TRIM9: variants seen among roughly 807,000 people sequenced by gnomAD.
TRIM9 encodes tripartite motif containing 9, also known as E3 ubiquitin-protein ligase TRIM9.
Under a neutral mutation model 78.3 loss-of-function variants are expected in TRIM9, and 26 were observed. That is an observed-to-expected ratio of 0.33 (90% CI 0.24 to 0.46). The LOEUF is 0.46. Among genes scored for constraint, TRIM9 ranks in the 20% least tolerant of loss-of-function variants. The pLI is 1.00. For missense variants in TRIM9, 787 were observed against 1,036.4 expected (o/e 0.76, Z 3.30); for synonymous variants, 398 against 416.5 (o/e 0.96, Z 0.54).
chr14:50,984,492 GTT>G (rs1449577289), intron 8 of TRIM9, among the ~76,000 whole-genome samples: 2 of 152,056 alleles, frequency 1.3e-5, no homozygotes, highest in African/African-American at 4.8e-5. Flanking sequence ...TGATTTTTAT[GTT>G]TTGTTTCTAT....
intron 1 of TRIM9, among the ~76,000 whole-genome samples, chr14:51,031,178 A>G (rs1461084357): frequency 6.6e-6 from 1 of 151,550 alleles, no homozygotes; most frequent in Admixed American, 6.6e-5. Context: ...AAGAAAAGAA[A>G]AGAAAGAAAG....
At chr14:50,987,445 A>G (rs1026201675) in intron 7 of TRIM9, among the ~76,000 whole-genome samples, 2 of 152,220 alleles carry the variant, frequency 1.3e-5, no homozygotes, top group East Asian at 1.9e-4. Flanking sequence ...CTTTAGACTT[A>G]TCTGTGGGGG....
intron 7 of TRIM9, among the ~76,000 whole-genome samples, chr14:50,991,682 T>A (rs571201676): frequency 6.6e-6 from 1 of 152,354 alleles, no homozygotes; most frequent in South Asian, 2.1e-4. Flanking sequence ...CTAATGCTGC[T>A]TCATAGCATT....
At chr14:51,043,691 A>T (rs752132223) in intron 1 of TRIM9, among the ~76,000 whole-genome samples, 4 of 152,234 alleles carry the variant, frequency 2.6e-5, no homozygotes, top group Non-Finnish European at 5.9e-5. Flanking sequence ...AGAACTGTGC[A>T]GCTCACTAAT....
At chr14:51,063,237 A>G (rs2061486051) in intron 1 of TRIM9, among the ~76,000 whole-genome samples, 1 of 152,320 alleles carries the variant, frequency 6.6e-6, no homozygotes, top group Non-Finnish European at 1.5e-5. Flanking sequence ...GGGCTTAACA[A>G]TATACTGGAG....
At chr14:51,037,422 TAAAAAC>T (rs568556914) in intron 1 of TRIM9, among the ~76,000 whole-genome samples, 6 of 152,004 alleles carry the variant, frequency 3.9e-5, no homozygotes, top group African/African-American at 7.2e-5. Context: ...AGACCCCTGA[TAAAAAC>T]AAAAACAAAA....
At chr14:51,076,928 T>C (rs1387634560) in intron 1 of TRIM9, among the ~76,000 whole-genome samples, 1 of 152,208 alleles carries the variant, frequency 6.6e-6, no homozygotes, top group Non-Finnish European at 1.5e-5. Context: ...TACTGCCCAA[T>C]GCCATTTGGG....
At chr14:51,051,177 A>G (rs1188891823) in intron 1 of TRIM9, among the ~76,000 whole-genome samples, 1 of 152,238 alleles carries the variant, frequency 6.6e-6, no homozygotes, top group Non-Finnish European at 1.5e-5. Flanking sequence ...TTACAAAAAA[A>G]TATTATCATA....
intron 8 of TRIM9, among the ~76,000 whole-genome samples, chr14:50,984,979 C>T (rs1324084786): frequency 6.6e-6 from 1 of 152,186 alleles, no homozygotes; most frequent in East Asian, 1.9e-4. Flanking sequence ...ATCCTTTTTG[C>T]ACTGTCATGC....
At chr14:51,023,963 A>G (rs756048157) in intron 2 of TRIM9, among the ~76,000 whole-genome samples, 1 of 152,206 alleles carries the variant, frequency 6.6e-6, no homozygotes, top group South Asian at 2.1e-4. Flanking sequence ...ATAATAATCA[A>G]CTGGTAGGCA....
chr14:51,082,509 G>T (rs1164359136), intron 1 of TRIM9, among the ~76,000 whole-genome samples: 1 of 152,174 alleles, frequency 6.6e-6, no homozygotes, highest in African/African-American at 2.4e-5. Flanking sequence ...AAAGAAGACA[G>T]ATGCAAAAGG....
intron 1 of TRIM9, among the ~76,000 whole-genome samples, chr14:51,061,129 T>C (rs2061321603): frequency 6.6e-6 from 1 of 152,192 alleles, no homozygotes; most frequent in African/African-American, 2.4e-5. Flanking sequence ...AATTGGATTG[T>C]TGGCTGGGCG....
At chr14:50,984,010 G>A (rs906396227) in intron 8 of TRIM9, among the ~76,000 whole-genome samples, 5 of 152,292 alleles carry the variant, frequency 3.3e-5, no homozygotes, top group Non-Finnish European at 5.9e-5. Context: ...AGGGGAGGAG[G>A]GATGGTAGGA....
chr14:51,048,899 G>C (rs1566614430), intron 1 of TRIM9, among the ~76,000 whole-genome samples: 2 of 151,408 alleles, frequency 1.3e-5, no homozygotes, highest in Admixed American at 1.3e-4. Flanking sequence ...CAGGAGAATG[G>C]TGTGAACCCA....
intron 3 of TRIM9, among the ~76,000 whole-genome samples, chr14:51,010,767 A>G (rs2056470019): frequency 6.6e-6 from 1 of 152,168 alleles, no homozygotes; most frequent in South Asian, 2.1e-4. Flanking sequence ...TGGTGCATCA[A>G]CGAACACCTT....
chr14:51,037,089 T>C (rs147971685), intron 1 of TRIM9, among the ~76,000 whole-genome samples: 2 of 152,332 alleles, frequency 1.3e-5, no homozygotes, highest in Admixed American at 1.3e-4. Context: ...TTGTCCATGA[T>C]TAAGTCAAAA....
chr14:50,982,876 C>T (rs2052155225), intron 10 of TRIM9, 66 bp downstream of exon 10: 1 of 1,438,476 alleles, frequency 7.0e-7, no homozygotes, highest in Non-Finnish European at 9.5e-7. Context: ...ATTTATTAAA[C>T]CTGTGAGACA....
intron 1 of TRIM9, among the ~76,000 whole-genome samples, chr14:51,088,492 G>C (rs939764797): frequency 1.8e-4 from 27 of 152,166 alleles, no homozygotes; most frequent in Admixed American, 3.9e-4. Context: ...AAAACAAAAA[G>C]AATTGTGGAG....
chr14:51,058,819 GA>G (rs1351115881), intron 1 of TRIM9, among the ~76,000 whole-genome samples: 8 of 152,318 alleles, frequency 5.3e-5, no homozygotes, highest in African/African-American at 1.9e-4. Flanking sequence ...TTATGGATGG[GA>G]TTTGTTATAA....
Sources: allele counts gnomAD v4.1 joint callset (sites outside exome capture counted in the v4.1 genomes callset), GRCh38; gene constraint gnomAD v4.1.1; transcripts MANE v1.5; gene names NCBI Gene and HGNC (gene_info 2026-07-23, HGNC 2026-07-21).